IL20RA: variants seen among roughly 807,000 people sequenced by gnomAD.
The protein encoded by IL20RA is interleukin 20 receptor subunit alpha, also known as interleukin-20 receptor subunit alpha.
IL20RA carries 29 observed loss-of-function variants against 36.5 expected under a neutral mutation model. The observed-to-expected ratio is 0.79, with a 90% CI of 0.59 to 1.08. The LOEUF (loss-of-function observed/expected upper bound fraction) is 1.08, where lower values mean the gene tolerates loss of function less well. Ranked by LOEUF, IL20RA falls within the 50% of genes least tolerant of loss-of-function variation. The pLI, the probability that IL20RA is intolerant of heterozygous loss-of-function variation, is 0.00. For missense variants in IL20RA, 652 were observed against 668.4 expected, an observed-to-expected ratio of 0.98 and a Z score of 0.27; for synonymous variants, 279 against 267.1, an observed-to-expected ratio of 1.04 and a Z score of -0.43.
intron 1 of IL20RA, among the ~76,000 whole-genome samples, chr6:137,036,494 AAC>A (rs1776498141): frequency 1.3e-5 from 2 of 152,344 alleles, no homozygotes; most frequent in Admixed American, 1.3e-4. Context: ...GGGAAATCTG[AAC>A]ACAGACAGAC....
rs1562241340 is a variant in IL20RA, at chr6:137,032,523, C to T, written c.88+12118G>A. Among the ~76,000 whole-genome samples, 5 of 152,200 alleles carry T rather than the reference C, an allele frequency of 3.3e-5. No individual in the cohort carries two copies. The South Asian group carries it at 8.3e-4, about 25-fold the overall frequency. On this transcript the variant is annotated intron_variant, in intron 1 of 6. Transcript: ENST00000316649. ...GATTTCCCGATTGCTATTCTTTCCA[C>T]ATGGCCCTGAGATCCTGGCTCCAAG...
intron 1 of IL20RA, among the ~76,000 whole-genome samples, chr6:137,021,616 T>C (rs1775910135): frequency 6.6e-6 from 1 of 151,730 alleles, no homozygotes; most frequent in South Asian, 2.1e-4. Context: ...AAGGCAGAGG[T>C]TGCAGAGAGC....
rs1413448797 is a variant in IL20RA at position 137,017,085 on chromosome 6, C to T, written c.107G>A (p.Gly36Asp). 6.2e-7 allele frequency: 1 copy of T among 1,613,434 alleles called. No individual in the cohort carries two copies. Among genetic ancestry groups the T allele is most frequent in the Non-Finnish European group, 8.5e-7 (1 of 1,179,770 alleles). ...WGRAVPCVSG[G>D]LPKPANITFL... is the part of the protein sequence containing the mutation. ...GGTGATGTTTGCAGGTTTAGGCAAA[C>T]CACCAGAGACACAGGGAACTGAAAA... Residue 36 changes from glycine (G) to aspartate (D), a missense_variant, in exon 2 of 7, where the codon GGT becomes GAT. Transcript: ENST00000316649.
At chr6:137,010,828 C>T (rs1022103398) in intron 3 of IL20RA, among the ~76,000 whole-genome samples, 10 of 152,042 alleles carry the variant, frequency 6.6e-5, no homozygotes, top group Non-Finnish European at 1.2e-4. Flanking sequence ...CCTCAAATTA[C>T]ATAGCTTCCA....
In IL20RA at chr6:137,001,331, C is replaced by T; in HGVS notation, c.*227G>A. The T allele has an allele frequency of 2.4e-6, 1 of 411,628 alleles. No individual in the cohort carries two copies. Among genetic ancestry groups the T allele is most frequent in the Non-Finnish European group, 4.3e-6 (1 of 232,928 alleles). The allele number at this position is 411,628 out of a possible 1,614,324, so 25.5% of individuals were successfully genotyped here. A position where few individuals can be genotyped will look rare whatever the true frequency, so the allele number is the denominator to read the frequency against. ...TATTGACTGCTTTCTCTGCATAGAA[C>T]AACCGGCCAGCCCCTGGACTCCAGA... On this transcript the variant is annotated 3_prime_UTR_variant, in exon 7 of 7. Transcript: ENST00000316649.
chr6:137,044,716 C>G lies in IL20RA; in HGVS notation c.13G>C (p.Gly5Arg), dbSNP rs1276424865. 1 of 1,219,742 alleles carries G rather than the reference C, an allele frequency of 8.2e-7. No homozygotes were observed. The highest frequency in any genetic ancestry group is 1.0e-6 in the Non-Finnish European group (1 of 980,754). The allele number at this position is 1,219,742 out of a possible 1,614,324, so 75.6% of individuals were successfully genotyped here. A position where few individuals can be genotyped will look rare whatever the true frequency, so the allele number is the denominator to read the frequency against. The change falls in exon 1 of 7, where the codon GGC becomes CGC. Residue 5 changes from glycine (G) to arginine (R), a missense_variant. By Grantham distance (125) the Gly-to-Arg change is moderately radical (BLOSUM62 -2). Coordinates refer to ENST00000316649, the MANE Select transcript of IL20RA (RefSeq NM_014432.4). Reference sequence around the variant, plus strand: ...GGCAGCGGCCGCAGGGCCGGGCGGCCGGGAGCCCGCATGGGCGGCGGGGCT... The same window carrying G: ...GGCAGCGGCCGCAGGGCCGGGCGGCGGGGAGCCCGCATGGGCGGCGGGGCT... MRAP[G>R]RPALRPLPLP...
Position 137,044,771 on chromosome 6 carries a change from T to C in IL20RA, c.-43A>G, listed in dbSNP as rs1004608532. On this transcript the variant is annotated 5_prime_UTR_variant, in exon 1 of 7. Coordinates refer to ENST00000316649, the MANE Select transcript of IL20RA (RefSeq NM_014432.4). ...CACATGTCGGGGGGCAGCAGACTGC[T>C]CAGTCCCACGCCCGCTGGGGCCAAG... The C allele has an allele frequency of 2.5e-6, 3 of 1,208,248 alleles. No homozygotes were observed. Among genetic ancestry groups the C allele is most frequent in the Non-Finnish European group, 3.1e-6 (3 of 972,932 alleles). 74.8% of individuals were successfully genotyped at this position (1,208,248 alleles called of 1,614,324 possible).
chr6:137,023,540 C>G (rs970320054), intron 1 of IL20RA, among the ~76,000 whole-genome samples: 9 of 151,966 alleles, frequency 5.9e-5, no homozygotes, highest in Admixed American at 2.0e-4. Context: ...CTGTATAGAC[C>G]AAGAGGAGAA....
At chr6:137,021,901 C>A (rs1441428802) in intron 1 of IL20RA, among the ~76,000 whole-genome samples, 1 of 152,066 alleles carries the variant, frequency 6.6e-6, no homozygotes, top group Non-Finnish European at 1.5e-5. Context: ...CATAACAGCC[C>A]TATGGTAGGT....
intron 1 of IL20RA, among the ~76,000 whole-genome samples, chr6:137,023,797 T>TA (rs1775992436): frequency 1.3e-5 from 2 of 152,072 alleles, no homozygotes; most frequent in African/African-American, 4.8e-5. Flanking sequence ...AAAGGAGTGA[T>TA]AAAAAATAGA....
rs552364781 is a variant in IL20RA, at chr6:137,009,894, G to A, written c.404-402C>T. Among the ~76,000 whole-genome samples the A allele has an allele frequency of 1.4e-3, 208 of 152,096 alleles. 1 individual carries two copies. The highest frequency in any genetic ancestry group is 4.7e-3 in the African/African-American group (195 of 41,490). Reference sequence around the variant, plus strand: ...GTTGGGATTACAGGCATGAGCCACCGCGCCCAGCCTTAAAAGACACCTTCT... The same window carrying A: ...GTTGGGATTACAGGCATGAGCCACCACGCCCAGCCTTAAAAGACACCTTCT... On this transcript the variant is annotated intron_variant, in intron 3 of 6. Transcript: ENST00000316649.
chr6:137,031,008 T>C (rs754666580), intron 1 of IL20RA, among the ~76,000 whole-genome samples: 1 of 152,234 alleles, frequency 6.6e-6, no homozygotes, highest in Non-Finnish European at 1.5e-5. Context: ...ACAGTTACTA[T>C]TCATTGTAAA....
intron 1 of IL20RA, chr6:137,044,134 G>A: frequency 1.0e-6 from 1 of 985,706 alleles, no homozygotes; most frequent in Non-Finnish European, 1.2e-6. Flanking sequence ...CTTCGGGGCT[G>A]ACCCTTTCGG....
intron 3 of IL20RA, among the ~76,000 whole-genome samples, chr6:137,010,494 G>GTGT (rs926812442): frequency 5.1e-5 from 2 of 39,592 alleles, no homozygotes; most frequent in African/African-American, 6.5e-5. Flanking sequence ...AACAGAAAGG[G>GTGT]TGTTGTTGGA....
rs1775066198 is a variant in IL20RA, at chr6:137,001,908, A to G, written c.1312T>C (p.Leu438=). 6.2e-7 allele frequency: 1 copy of G among 1,613,854 alleles called. No homozygotes were observed. The highest frequency in any genetic ancestry group is 1.3e-5 in the African/African-American group (1 of 74,874). ...QGTLLESQAA[L]AVLGPQTLQY... is the part of the protein sequence containing the mutation. ...AACGTTTGCGGGCCCAAGACTGCCA[A>G]CGCTGCCTGCGACTCCAATAATGTT... is the stretch of plus-strand genomic sequence containing the variant. The change falls in exon 7 of 7, where the codon TTG becomes CTG. Residue 438 remains leucine (L), a synonymous_variant. Coordinates refer to ENST00000316649, the MANE Select transcript of IL20RA (RefSeq NM_014432.4).
At chr6:137,039,822 C>T (rs998312879) in intron 1 of IL20RA, among the ~76,000 whole-genome samples, 1 of 152,156 alleles carries the variant, frequency 6.6e-6, no homozygotes, top group Non-Finnish European at 1.5e-5. Context: ...TAATATTTCA[C>T]CTAGCTGCCA....
chr6:137,030,765 C>A (rs1162807001), intron 1 of IL20RA, among the ~76,000 whole-genome samples: 1 of 152,092 alleles, frequency 6.6e-6, no homozygotes, highest in African/African-American at 2.4e-5. Flanking sequence ...TATTGATTAA[C>A]CCCAAGAGTT....
At chr6:137,006,681 T>G (rs1162392298) in intron 5 of IL20RA, among the ~76,000 whole-genome samples, 1 of 152,010 alleles carries the variant, frequency 6.6e-6, no homozygotes, top group Non-Finnish European at 1.5e-5. Context: ...ATAGCACGGG[T>G]TCAGAACCAG....
In IL20RA at chr6:137,000,433, T is replaced by G. The variant is rs1414174445; in HGVS notation, c.*1125A>C. On this transcript the variant is annotated 3_prime_UTR_variant, in exon 7 of 7. Transcript: ENST00000316649. ...GATTTTGTCCCATTTTAAAGCAGCGTGACTGAAGAATTTAATTTTCTTAAC... is the reference window on the plus strand; with the variant it reads ...GATTTTGTCCCATTTTAAAGCAGCGGGACTGAAGAATTTAATTTTCTTAAC... 6.6e-6 allele frequency: 1 copy of G among 152,188 alleles called. No homozygotes were observed. The highest frequency in any genetic ancestry group is 1.5e-5 in the Non-Finnish European group (1 of 68,030). The allele number at this position is 152,188 out of a possible 1,614,324, so 9.4% of individuals were successfully genotyped here.
Sources: allele counts gnomAD v4.1 joint callset (sites outside exome capture counted in the v4.1 genomes callset), GRCh38; gene constraint gnomAD v4.1.1; transcripts MANE v1.5; gene names NCBI Gene and HGNC (gene_info 2026-07-23, HGNC 2026-07-21).